The following VPS50 variants were observed in gnomAD, a reference collection of about 807,000 sequenced individuals.
VPS50 encodes the protein syndetin.
Under a neutral mutation model 139.7 loss-of-function variants are expected in VPS50, and 70 were observed. That is an observed-to-expected ratio of 0.50 (90% CI 0.41 to 0.61). The LOEUF (loss-of-function observed/expected upper bound fraction) is 0.61, where lower values mean the gene tolerates loss of function less well. VPS50 is among the 20% of genes least tolerant of loss of function. The pLI, the probability that VPS50 is intolerant of heterozygous loss-of-function variation, is 0.00. For missense variants in VPS50, 921 were observed against 1,133.7 expected (o/e 0.81, Z 2.69); for synonymous variants, 365 against 376.7 (o/e 0.97, Z 0.36).
At chr7:93,355,845 TC>T in intron 26 of VPS50, 45 bp from the exon 27 acceptor site, 1 of 1,240,542 alleles carries the variant, frequency 8.1e-7, no homozygotes. Flanking sequence ...GTTTTTTGTT[TC>T]TAATTATCCT....
chr7:93,314,621 A>G (rs982696234), intron 20 of VPS50, among the ~76,000 whole-genome samples: 3 of 152,174 alleles, frequency 2.0e-5, no homozygotes, highest in South Asian at 2.1e-4. Context: ...ACCGAAGTCC[A>G]TGCTTGTAAG....
chr7:93,232,526 G>C (rs771632079), intron 1 of VPS50, 26 bp downstream of exon 1: 57 of 1,606,122 alleles, frequency 3.5e-5, no homozygotes, highest in South Asian at 6.6e-5. Flanking sequence ...TGAAGCAAAG[G>C]CTTCCTTCAT....
rs1231213509 is a variant in VPS50 at position 93,353,717 on chromosome 7, T to C, written c.2541T>C (p.Leu847=). The C allele has an allele frequency of 6.2e-7, 1 of 1,611,490 alleles. No homozygotes were observed. Among genetic ancestry groups the C allele is most frequent in the South Asian group, 1.1e-5 (1 of 90,902 alleles). ...VRIPLPVSNI[L]WEHCIRLANR... ...TACCCTTGCCTGTGTCTAATATACT[T>C]TGGGAACATTGTATACGATTGGCTA... Residue 847 remains leucine, a synonymous_variant, in exon 26 of 28, where the codon CTT becomes CTC. Coordinates refer to ENST00000305866, the MANE Select transcript of VPS50 (RefSeq NM_017667.4).
At chr7:93,294,035 C>T (rs959287932) in intron 13 of VPS50, among the ~76,000 whole-genome samples, 8 of 152,214 alleles carry the variant, frequency 5.3e-5, no homozygotes, top group African/African-American at 1.7e-4. Flanking sequence ...AGGCAGATCA[C>T]TGATCTTATC....
rs765835740 is a variant in VPS50 at position 93,353,781 on chromosome 7, A to G, written c.2585+20A>G. 27 of 1,580,192 alleles carry G rather than the reference A, an allele frequency of 1.7e-5. No individual in the cohort carries two copies. The highest frequency in any genetic ancestry group is 1.0e-4 in the South Asian group (9 of 87,166). ...AGAAGGGTAAGTTTTTCATGAAAGC[A>G]TTATTTGTTTCTTTAATGACAAATT... On this transcript the variant is annotated intron_variant, in intron 26 of 27. Coordinates refer to ENST00000305866, the MANE Select transcript of VPS50 (RefSeq NM_017667.4).
chr7:93,251,550 G>A (rs1226427278), intron 2 of VPS50, among the ~76,000 whole-genome samples: 1 of 152,058 alleles, frequency 6.6e-6, no homozygotes, highest in Non-Finnish European at 1.5e-5. Flanking sequence ...ATAGCATTAG[G>A]AGAAATACCT....
chr7:93,296,663 G>C, intron 14 of VPS50, 79 bp from the exon 15 acceptor site: 1 of 1,531,584 alleles, frequency 6.5e-7, no homozygotes, highest in African/African-American at 1.4e-5. Flanking sequence ...TTTTAATCTG[G>C]AACTATAGAG....
intron 11 of VPS50, among the ~76,000 whole-genome samples, chr7:93,274,550 AT>A (rs1423472008): frequency 6.6e-6 from 1 of 152,082 alleles, no homozygotes; most frequent in East Asian, 1.9e-4. Context: ...AGAAAAAAAA[AT>A]GTCCCTTTCA....
chr7:93,237,855 C>T (rs1794862732), intron 1 of VPS50, among the ~76,000 whole-genome samples: 1 of 152,078 alleles, frequency 6.6e-6, no homozygotes, highest in African/African-American at 2.4e-5. Context: ...AGTATTAAGC[C>T]TGGTACCCAA....
chr7:93,279,864 C>T (rs1156584422), intron 12 of VPS50, among the ~76,000 whole-genome samples: 2 of 152,092 alleles, frequency 1.3e-5, no homozygotes, highest in Non-Finnish European at 2.9e-5. Context: ...AATAATTGTG[C>T]TTCCTTTAAA....
chr7:93,331,593 ATTGT>A (rs1341959376), intron 21 of VPS50, among the ~76,000 whole-genome samples: 3 of 152,142 alleles, frequency 2.0e-5, no homozygotes, highest in Non-Finnish European at 2.9e-5. Context: ...ATAAATAAAC[ATTGT>A]TTGTAAGACC....
intron 12 of VPS50, among the ~76,000 whole-genome samples, chr7:93,288,726 G>T (rs1381332863): frequency 1.3e-5 from 2 of 152,156 alleles, no homozygotes; most frequent in Admixed American, 1.3e-4. Flanking sequence ...AAAGAGTCCA[G>T]TGTGAACTGA....
rs192787205 is a variant in VPS50, at chr7:93,358,461, G to A, written c.*25G>A. 1.9e-6 allele frequency: 3 copies of A among 1,602,418 alleles called. No homozygotes were observed. The African/African-American group carries it at 4.0e-5, about 21-fold the overall frequency. Reference sequence around the variant, plus strand: ...ATGAACACAGCTCTCTTTCCTCAATGGCATTGATCCTCACTCAACATATAT... The same window carrying A: ...ATGAACACAGCTCTCTTTCCTCAATAGCATTGATCCTCACTCAACATATAT... On this transcript the variant is annotated 3_prime_UTR_variant, in exon 28 of 28. Transcript: ENST00000305866.
chr7:93,309,730 AAG>A (rs1225363199), intron 19 of VPS50, among the ~76,000 whole-genome samples: 1 of 151,960 alleles, frequency 6.6e-6, no homozygotes, highest in Non-Finnish European at 1.5e-5. Context: ...TGATAATTAT[AAG>A]AGAATTTTTT....
intron 16 of VPS50, among the ~76,000 whole-genome samples, chr7:93,299,029 T>C (rs1350559850): frequency 6.6e-6 from 1 of 152,196 alleles, no homozygotes; most frequent in Non-Finnish European, 1.5e-5. Context: ...TTTTGCAGTA[T>C]TGTATATTGT....
intron 23 of VPS50, among the ~76,000 whole-genome samples, chr7:93,342,026 C>T (rs961061464): frequency 6.6e-6 from 1 of 152,146 alleles, no homozygotes; most frequent in Non-Finnish European, 1.5e-5. Context: ...GCGTGAACGA[C>T]ACAGAAGACG....
intron 9 of VPS50, among the ~76,000 whole-genome samples, chr7:93,266,596 C>A (rs982524164): frequency 3.3e-5 from 5 of 152,006 alleles, no homozygotes; most frequent in Non-Finnish European, 1.5e-5. Flanking sequence ...TGGTAAAAAC[C>A]CTTTGCAGAA....
In VPS50 at chr7:93,358,680, A is replaced by T; in HGVS notation, c.*244A>T. 8.3e-6 allele frequency: 3 copies of T among 359,786 alleles called. No homozygotes were observed. The highest frequency in any genetic ancestry group is 1.6e-5 in the Non-Finnish European group (3 of 192,588). The allele number at this position is 359,786 out of a possible 1,614,324, so 22.3% of individuals were successfully genotyped here. ...ATGATGTTGCCGCCTTGTCATAACA[A>T]TGGTTATGTGACTACAGTTATACAT... On this transcript the variant is annotated 3_prime_UTR_variant, in exon 28 of 28. Coordinates refer to ENST00000305866, the MANE Select transcript of VPS50 (RefSeq NM_017667.4).
At chr7:93,264,410 C>G (rs995033122) in intron 9 of VPS50, among the ~76,000 whole-genome samples, 7 of 152,134 alleles carry the variant, frequency 4.6e-5, no homozygotes, top group African/African-American at 1.7e-4. Context: ...TGAAATTTGT[C>G]TCAATTTGTT....
Sources: gnomAD v4.1 joint callset for allele counts (sites outside exome capture counted in the v4.1 genomes callset) on GRCh38, gnomAD v4.1.1 for gene constraint, MANE v1.5 for transcripts, NCBI Gene and HGNC (gene_info 2026-07-23, HGNC 2026-07-21) for gene names.